SPMIP3: variants seen among roughly 807,000 people sequenced by gnomAD.
The protein encoded by SPMIP3 is sperm microtubule inner protein 3.
chr1:244,372,421 G>A, the SPMIP3 span, among the ~76,000 whole-genome samples: 3 of 151,464 alleles, frequency 2.0e-5, no homozygotes, highest in African/African-American at 7.3e-5. Context: ...GCAAAATGAT[G>A]TGCTACTTTC....
the SPMIP3 span, among the ~76,000 whole-genome samples, chr1:244,370,309 A>C: frequency 6.6e-6 from 1 of 152,316 alleles, no homozygotes; most frequent in Non-Finnish European, 1.5e-5. Flanking sequence ...GAGCCGGCAG[A>C]GCCTGGGAGA....
At chr1:244,364,560 A>T in the SPMIP3 span, 1 of 777,026 alleles carries the variant, frequency 1.3e-6, no homozygotes, top group Non-Finnish European at 2.2e-6. Flanking sequence ...CTATATGCAT[A>T]GTCCTTCTAC....
chr1:244,382,755 C>A, the SPMIP3 span, among the ~76,000 whole-genome samples: 1 of 151,858 alleles, frequency 6.6e-6, no homozygotes, highest in Non-Finnish European at 1.5e-5. Flanking sequence ...AGGCGCGCAC[C>A]ACCAGGCCCA....
chr1:244,373,493 A>G, the SPMIP3 span, among the ~76,000 whole-genome samples: 1 of 150,738 alleles, frequency 6.6e-6, no homozygotes, highest in Non-Finnish European at 1.5e-5. Flanking sequence ...GTGAGACTCC[A>G]TCTCTAAAAG....
At chr1:244,355,654 G>A in the SPMIP3 span, among the ~76,000 whole-genome samples, 18 of 152,230 alleles carry the variant, frequency 1.2e-4, no homozygotes, top group Middle Eastern at 3.4e-3. Context: ...CCAAAGTGCT[G>A]GGATTACAGG....
chr1:244,382,600 G>GTTTT, the SPMIP3 span, among the ~76,000 whole-genome samples: 103 of 106,030 alleles, frequency 9.7e-4, 4 homozygotes, highest in Non-Finnish European at 1.3e-3. Context: ...TCTGGCTGCT[G>GTTTT]TTTTTTTTTT....
chr1:244,386,457 C>T, the SPMIP3 span, among the ~76,000 whole-genome samples: 1 of 152,212 alleles, frequency 6.6e-6, no homozygotes, highest in Admixed American at 6.5e-5. Context: ...GGGTTGATAA[C>T]ACCCACTGTT....
At chr1:244,389,004 C>T in the SPMIP3 span, 3 of 1,614,058 alleles carry the variant, frequency 1.9e-6, no homozygotes, top group Admixed American at 3.3e-5. Flanking sequence ...GCTTAATTCA[C>T]TGCCAGAGCT....
At chr1:244,374,539 T>C in the SPMIP3 span, among the ~76,000 whole-genome samples, 1 of 151,842 alleles carries the variant, frequency 6.6e-6, no homozygotes, top group African/African-American at 2.4e-5. Flanking sequence ...TTTATTTTTA[T>C]GTACTTTTTT....
chr1:244,372,875 G>C, the SPMIP3 span, among the ~76,000 whole-genome samples: 2 of 152,154 alleles, frequency 1.3e-5, no homozygotes, highest in South Asian at 4.1e-4. Flanking sequence ...CCTCTCTTGG[G>C]GAAAGGCAGG....
At chr1:244,373,332 T>TTTATATATATATATATATATATATATA in the SPMIP3 span, among the ~76,000 whole-genome samples, 55 of 85,192 alleles carry the variant, frequency 6.5e-4, 1 homozygote, top group African/African-American at 2.2e-3. Context: ...CAAAAAAAAA[T>TTTATATATATATATATATATATATATA]TATATATATA....
the SPMIP3 span, among the ~76,000 whole-genome samples, chr1:244,366,960 GAAT>G: frequency 6.6e-6 from 1 of 152,116 alleles, no homozygotes; most frequent in Non-Finnish European, 1.5e-5. Flanking sequence ...GTGTGAGGGA[GAAT>G]AATCAGGTGG....
At chr1:244,389,019 T>C in the SPMIP3 span, 1 of 1,614,018 alleles carries the variant, frequency 6.2e-7, no homozygotes, top group Non-Finnish European at 8.5e-7. Flanking sequence ...AGAGCTCTAC[T>C]GTTGTGAAGA....
chr1:244,364,296 G>T, the SPMIP3 span, among the ~76,000 whole-genome samples: 1 of 151,906 alleles, frequency 6.6e-6, no homozygotes, highest in Non-Finnish European at 1.5e-5. Flanking sequence ...TAGTAAAGAC[G>T]GGGTTTCACC....
At chr1:244,382,022 G>T in the SPMIP3 span, among the ~76,000 whole-genome samples, 2 of 152,196 alleles carry the variant, frequency 1.3e-5, no homozygotes, top group Non-Finnish European at 2.9e-5. Context: ...ATTACACAAG[G>T]CATGAATACC....
the SPMIP3 span, chr1:244,389,092 C>T: frequency 3.8e-5 from 60 of 1,582,128 alleles, no homozygotes; most frequent in East Asian, 4.0e-4. Context: ...AACAAAATAA[C>T]GTTTGGCATT....
At chr1:244,376,140 A>G in the SPMIP3 span, among the ~76,000 whole-genome samples, 1 of 152,194 alleles carries the variant, frequency 6.6e-6, no homozygotes, top group African/African-American at 2.4e-5. Context: ...GCCCATCCAC[A>G]ACAGAGCACC....
the SPMIP3 span, chr1:244,389,074 G>T: frequency 6.2e-7 from 1 of 1,602,602 alleles, no homozygotes; most frequent in South Asian, 1.1e-5. Flanking sequence ...AAATAACCAC[G>T]GCATTCGAAC....
the SPMIP3 span, among the ~76,000 whole-genome samples, chr1:244,383,567 T>C: frequency 6.6e-6 from 1 of 152,190 alleles, no homozygotes; most frequent in African/African-American, 2.4e-5. Context: ...GCAGAGTTTA[T>C]ATGGGGTTAT....
Sources: gnomAD v4.1 joint callset for allele counts (sites outside exome capture counted in the v4.1 genomes callset) on GRCh38, gnomAD v4.1.1 for gene constraint, MANE v1.5 for transcripts, NCBI Gene and HGNC (gene_info 2026-07-23, HGNC 2026-07-21) for gene names.